Variants in WDFY1 observed in about 807,000 individuals in gnomAD.
The protein encoded by WDFY1 is WD repeat and FYVE domain containing 1, also known as WD repeat and FYVE domain-containing protein 1.
WDFY1 carries 32 observed loss-of-function variants against 56.4 expected under a neutral mutation model. The ratio of observed to expected loss-of-function variants is 0.57; its 90% CI spans 0.43 to 0.76. The LOEUF is 0.76. Among genes scored for constraint, WDFY1 ranks in the 30% least tolerant of loss-of-function variants. WDFY1 has a pLI of 0.00. For missense variants in WDFY1, 480 were observed against 545.7 expected, an observed-to-expected ratio of 0.88 and a Z score of 1.20; for synonymous variants, 192 against 197.3, an observed-to-expected ratio of 0.97 and a Z score of 0.23.
In WDFY1 at chr2:223,942,524, TAA is replaced by T. The variant is rs1559178412; in HGVS notation, c.137+2622_137+2623del. ...TGAGCCACTGCGCCTGGCCAAAGGC[TAA>T]CTTTTTTTTTTTTTTTTTTTGAGAC... On this transcript the variant is annotated intron_variant, in intron 1 of 11. Coordinates refer to ENST00000233055, the MANE Select transcript of WDFY1 (RefSeq NM_020830.5). 1.9e-3 allele frequency among the ~76,000 whole-genome samples: 85 copies of T among 44,224 alleles called. 10 individuals are homozygous for T. Among genetic ancestry groups the T allele is most frequent in the South Asian group, 2.8e-3 (3 of 1,086 alleles). The allele number at this position is 44,224 out of a possible 152,430, so 29.0% of individuals were successfully genotyped here. A position where few individuals can be genotyped will look rare whatever the true frequency, so the allele number is the denominator to read the frequency against.
chr2:223,927,326 T>C (rs1694000810), intron 1 of WDFY1, among the ~76,000 whole-genome samples: 1 of 152,242 alleles, frequency 6.6e-6, no homozygotes, highest in Non-Finnish European at 1.5e-5. Flanking sequence ...AAATCTATTG[T>C]TTAATGTAAT....
intron 1 of WDFY1, among the ~76,000 whole-genome samples, chr2:223,929,274 G>A (rs1171701860): frequency 4.8e-5 from 7 of 145,332 alleles, no homozygotes; most frequent in Non-Finnish European, 9.0e-5. Flanking sequence ...TGCAACCTCC[G>A]CCTCCCGGGT....
In WDFY1 at chr2:223,905,989, A is replaced by G; in HGVS notation, c.292T>C (p.Ser98Pro). 1 of 1,577,976 alleles carries G rather than the reference A, an allele frequency of 6.3e-7. No homozygotes were observed. Among genetic ancestry groups the G allele is most frequent in the Non-Finnish European group, 8.6e-7 (1 of 1,164,974 alleles). ...AAGTTCATTTTATTAAAATCTTCAG[A>G]AACGTGAAATTCCTAAAAGCAAATG... ...DNGAVMEFHV[S>P]EDFNKMNFIK... Residue 98 changes from serine (S) to proline (P), a missense_variant, in exon 4 of 12, where the codon TCT becomes CCT. Physicochemically the swap from Ser to Pro is moderately conservative, Grantham distance 74 (BLOSUM62 -1). Coordinates refer to ENST00000233055, the MANE Select transcript of WDFY1 (RefSeq NM_020830.5).
intron 10 of WDFY1, 56 bp from the exon 11 acceptor site, chr2:223,880,288 G>C (rs965241757): frequency 6.6e-7 from 1 of 1,522,442 alleles, no homozygotes; most frequent in Non-Finnish European, 9.1e-7. Flanking sequence ...AGAGCTAGTG[G>C]GGTAAGCTTT....
chr2:223,911,678 C>T (rs1693705836), intron 3 of WDFY1, among the ~76,000 whole-genome samples: 1 of 151,638 alleles, frequency 6.6e-6, no homozygotes. Context: ...GTGACGTATT[C>T]ACTCTATGAA....
At chr2:223,937,148 T>C (rs968754578) in intron 1 of WDFY1, among the ~76,000 whole-genome samples, 2 of 152,114 alleles carry the variant, frequency 1.3e-5, no homozygotes, top group Non-Finnish European at 2.9e-5. Flanking sequence ...TAACCAAATA[T>C]GGAAATAAAG....
intron 8 of WDFY1, among the ~76,000 whole-genome samples, chr2:223,888,392 C>G (rs1332591558): frequency 6.6e-6 from 1 of 151,588 alleles, no homozygotes; most frequent in African/African-American, 2.4e-5. Flanking sequence ...AAGTGATTGT[C>G]TTCATAAGGG....
At chr2:223,935,034 C>T (rs568961612) in intron 1 of WDFY1, among the ~76,000 whole-genome samples, 134 of 152,062 alleles carry the variant, frequency 8.8e-4, no homozygotes, top group African/African-American at 3.0e-3. Context: ...AGGGTTTCGG[C>T]GAGGGAACAG....
At chr2:223,936,623 T>C (rs932115404) in intron 1 of WDFY1, among the ~76,000 whole-genome samples, 1 of 152,186 alleles carries the variant, frequency 6.6e-6, no homozygotes, top group African/African-American at 2.4e-5. Flanking sequence ...CCTTAGAAAG[T>C]CTTGCTTGCA....
intron 6 of WDFY1, among the ~76,000 whole-genome samples, chr2:223,895,976 T>C (rs1171740736): frequency 1.3e-5 from 2 of 151,586 alleles, no homozygotes; most frequent in African/African-American, 2.4e-5. Flanking sequence ...CTGGCCAACA[T>C]GGTGAAACCC....
chr2:223,895,772 A>G, intron 6 of WDFY1, 142 bp from the exon 7 acceptor site: 1 of 1,129,094 alleles, frequency 8.9e-7, no homozygotes, highest in Admixed American at 2.3e-5. Flanking sequence ...TTCATGGTGT[A>G]CAACGGGTCA....
At chr2:223,941,451 C>T (rs1301094052) in intron 1 of WDFY1, among the ~76,000 whole-genome samples, 1 of 152,036 alleles carries the variant, frequency 6.6e-6, no homozygotes, top group Non-Finnish European at 1.5e-5. Context: ...GAGGGTGCAT[C>T]CCTCCTTCCT....
chr2:223,899,391 C>T (rs1336649426), intron 5 of WDFY1: 2 of 254,064 alleles, frequency 7.9e-6, no homozygotes, highest in African/African-American at 4.5e-5. Context: ...GCTGGTAGGG[C>T]AGACACACAC....
rs200521814 is a variant in WDFY1, at chr2:223,945,314, G to C, written c.-30C>G. 314 of 1,550,052 alleles carry C rather than the reference G, an allele frequency of 2.0e-4. No individual in the cohort carries two copies. Among genetic ancestry groups the C allele is most frequent in the Non-Finnish European group, 2.5e-4 (293 of 1,156,984 alleles). ...GCGCGGCGACTGCTGCGGCCTCCTC[G>C]GCAGGCAGCCCATCAGCTGACGCCT... is the stretch of plus-strand genomic sequence containing the variant. On this transcript the variant is annotated 5_prime_UTR_variant, in exon 1 of 12. Coordinates refer to ENST00000233055, the MANE Select transcript of WDFY1 (RefSeq NM_020830.5).
chr2:223,932,674 T>C (rs985524907), intron 1 of WDFY1, among the ~76,000 whole-genome samples: 3 of 152,090 alleles, frequency 2.0e-5, no homozygotes, highest in African/African-American at 7.2e-5. Context: ...GGGCATACTA[T>C]ATGTTACAAA....
chr2:223,906,487 G>T (rs569870210), intron 3 of WDFY1, among the ~76,000 whole-genome samples: 2 of 152,132 alleles, frequency 1.3e-5, no homozygotes, highest in Admixed American at 6.5e-5. Flanking sequence ...GAGAAATTTT[G>T]AGATTGTGGG....
At position 223,878,490 on chromosome 2, in the gene WDFY1, G is replaced by T; in HGVS notation, c.*181C>A. 1.8e-6 allele frequency: 1 copy of T among 567,668 alleles called. No individual in the cohort carries two copies. The highest frequency in any genetic ancestry group is 3.2e-6 in the Non-Finnish European group (1 of 314,494). The allele number at this position is 567,668 out of a possible 1,614,324, so 35.2% of individuals were successfully genotyped here. On this transcript the variant is annotated 3_prime_UTR_variant, in exon 12 of 12. Coordinates refer to ENST00000233055, the MANE Select transcript of WDFY1 (RefSeq NM_020830.5). ...CTATGGACAGACCTTTTCCATATTA[G>T]TCCCCATGGGTAAGTTCCACAAATG...
chr2:223,880,627 AG>A (rs1332728631), intron 10 of WDFY1, among the ~76,000 whole-genome samples: 4 of 134,964 alleles, frequency 3.0e-5, no homozygotes, highest in South Asian at 2.4e-4. Flanking sequence ...AAAAAAAAAA[AG>A]TAAATGCTTA....
Position 223,923,859 on chromosome 2 carries a change from G to C in WDFY1, c.138-5849C>G, listed in dbSNP as rs115615593. Reference sequence around the variant, plus strand: ...AATCACAATATTTTCTGTCTAGATTGAATGTCTAAACCACTCTCTCCACTA... The same window carrying C: ...AATCACAATATTTTCTGTCTAGATTCAATGTCTAAACCACTCTCTCCACTA... On this transcript the variant is annotated intron_variant, in intron 1 of 11. Transcript: ENST00000233055. 3.2e-3 allele frequency among the ~76,000 whole-genome samples: 490 copies of C among 152,250 alleles called. 3 individuals carry two copies. The highest frequency in any genetic ancestry group is 0.011 in the African/African-American group (472 of 41,538).
Sources: gnomAD v4.1 joint callset for allele counts (sites outside exome capture counted in the v4.1 genomes callset) on GRCh38, gnomAD v4.1.1 for gene constraint, MANE v1.5 for transcripts, NCBI Gene and HGNC (gene_info 2026-07-23, HGNC 2026-07-21) for gene names.